C8orf34: variants seen among roughly 807,000 people sequenced by gnomAD.
The protein encoded by C8orf34 is uncharacterized protein C8orf34.
C8orf34 carries 65 observed loss-of-function variants against 68.3 expected under a neutral mutation model. That is an observed-to-expected ratio of 0.95 (90% CI 0.78 to 1.17). The LOEUF (loss-of-function observed/expected upper bound fraction) is 1.17, where lower values mean the gene tolerates loss of function less well. C8orf34 is among the 50% of genes most tolerant of loss of function. The probability of loss-of-function intolerance (pLI) is 0.00; values close to 1 mark genes in which losing one functional copy is unlikely to be tolerated. For missense variants in C8orf34, 664 were observed against 655.4 expected, an observed-to-expected ratio of 1.01 and a Z score of -0.14; for synonymous variants, 244 against 241.2, an observed-to-expected ratio of 1.01 and a Z score of -0.11.
intron 4 of C8orf34, among the ~76,000 whole-genome samples, chr8:68,480,948 G>A (rs939976663): frequency 2.6e-5 from 4 of 152,234 alleles, no homozygotes; most frequent in African/African-American, 7.2e-5. Context: ...CAAGCTGGCT[G>A]TAGAAATTTG....
chr8:68,634,410 T>C (rs948624013), intron 7 of C8orf34, among the ~76,000 whole-genome samples: 2 of 152,250 alleles, frequency 1.3e-5, no homozygotes, highest in Admixed American at 6.5e-5. Context: ...CTAGGATATG[T>C]TCCTGGTATT....
chr8:68,775,496 A>G (rs1318073072), intron 10 of C8orf34, among the ~76,000 whole-genome samples: 1 of 108,130 alleles, frequency 9.2e-6, no homozygotes, highest in Non-Finnish European at 1.8e-5. Flanking sequence ...CAACAATTTG[A>G]ATCTGTGATT....
At chr8:68,461,348 C>A (rs1027659680) in intron 3 of C8orf34, among the ~76,000 whole-genome samples, 29 of 152,300 alleles carry the variant, frequency 1.9e-4, no homozygotes, top group African/African-American at 6.0e-4. Context: ...GAGAATGGAA[C>A]CAGGTTGGAA....
intron 3 of C8orf34, among the ~76,000 whole-genome samples, chr8:68,468,419 C>A (rs1218887345): frequency 6.6e-6 from 1 of 151,994 alleles, no homozygotes; most frequent in African/African-American, 2.4e-5. Flanking sequence ...GTGTTTCTCC[C>A]TGTGTTATAG....
chr8:68,705,676 T>G (rs75601159), intron 8 of C8orf34, among the ~76,000 whole-genome samples: 1 of 151,734 alleles, frequency 6.6e-6, no homozygotes, highest in South Asian at 2.1e-4. Context: ...AGATTGAACA[T>G]GAAAAGGAAA....
intron 10 of C8orf34, among the ~76,000 whole-genome samples, chr8:68,766,151 T>G (rs999803996): frequency 3.9e-5 from 6 of 152,210 alleles, no homozygotes; most frequent in African/African-American, 1.4e-4. Flanking sequence ...TCAATCACTT[T>G]TTTAAGTTAA....
chr8:68,794,482 A>AT (rs1824110275), intron 12 of C8orf34, among the ~76,000 whole-genome samples: 1 of 89,344 alleles, frequency 1.1e-5, no homozygotes, highest in African/African-American at 7.7e-5. Flanking sequence ...TATAAATATA[A>AT]ATATATATAT....
At chr8:68,802,025 C>T (rs1372564360) in intron 12 of C8orf34, among the ~76,000 whole-genome samples, 1 of 152,132 alleles carries the variant, frequency 6.6e-6, no homozygotes, top group Non-Finnish European at 1.5e-5. Context: ...CTATATACAG[C>T]TTTATAAAGT....
intron 7 of C8orf34, among the ~76,000 whole-genome samples, chr8:68,568,851 A>C (rs1282601930): frequency 1.3e-5 from 2 of 152,240 alleles, no homozygotes; most frequent in Non-Finnish European, 2.9e-5. Context: ...CCAGATAATA[A>C]ATATTTTAGA....
intron 5 of C8orf34, among the ~76,000 whole-genome samples, chr8:68,521,020 C>T (rs2129668715): frequency 6.6e-6 from 1 of 152,264 alleles, no homozygotes; most frequent in East Asian, 1.9e-4. Context: ...CTCAGCATAT[C>T]AAGCAGTTCT....
At chr8:68,568,935 A>T (rs1816683535) in intron 7 of C8orf34, among the ~76,000 whole-genome samples, 1 of 152,222 alleles carries the variant, frequency 6.6e-6, no homozygotes, top group Non-Finnish European at 1.5e-5. Context: ...CACAGATAAT[A>T]AGGAAACAAG....
chr8:68,619,938 A>G (rs7840047), intron 7 of C8orf34, among the ~76,000 whole-genome samples: 44,874 of 152,110 alleles, frequency 0.3, 8,430 homozygotes, highest in African/African-American at 0.55. Flanking sequence ...ACTCCTCAGA[A>G]TAGAAAACCT....
At chr8:68,369,127 T>C (rs1175551392) in intron 1 of C8orf34, among the ~76,000 whole-genome samples, 1 of 152,228 alleles carries the variant, frequency 6.6e-6, no homozygotes, top group Non-Finnish European at 1.5e-5. Context: ...AAGTAATAAA[T>C]ATTTTTATCC....
At chr8:68,360,265 G>T (rs955151620) in intron 1 of C8orf34, among the ~76,000 whole-genome samples, 1 of 151,942 alleles carries the variant, frequency 6.6e-6, no homozygotes, top group Non-Finnish European at 1.5e-5. Flanking sequence ...CCCATGAAAT[G>T]GTCCCAACCC....
At chr8:68,471,400 C>A (rs1812371924) in intron 4 of C8orf34, among the ~76,000 whole-genome samples, 1 of 152,126 alleles carries the variant, frequency 6.6e-6, no homozygotes, top group Admixed American at 6.6e-5. Flanking sequence ...TATCAACATG[C>A]CTGCCCTGGT....
chr8:68,508,460 A>C (rs960401654), intron 5 of C8orf34, among the ~76,000 whole-genome samples: 3 of 152,326 alleles, frequency 2.0e-5, no homozygotes, highest in Admixed American at 6.5e-5. Flanking sequence ...TACTTCTAGG[A>C]TAAATTTCTA....
At chr8:68,657,797 C>T (rs1316142292) in intron 8 of C8orf34, among the ~76,000 whole-genome samples, 2 of 152,200 alleles carry the variant, frequency 1.3e-5, no homozygotes, top group African/African-American at 2.4e-5. Flanking sequence ...ATTCCTGCCT[C>T]ATTGCCTGCC....
chr8:68,348,631 G>A (rs768016962), intron 1 of C8orf34, among the ~76,000 whole-genome samples: 21 of 151,830 alleles, frequency 1.4e-4, no homozygotes, highest in Non-Finnish European at 2.5e-4. Context: ...TGTCTTCTCT[G>A]ATTTCTTTGA....
chr8:68,570,191 A>G (rs1469169935), intron 7 of C8orf34, among the ~76,000 whole-genome samples: 12 of 152,346 alleles, frequency 7.9e-5, no homozygotes, highest in African/African-American at 2.6e-4. Flanking sequence ...GCCAGTGCAT[A>G]TAGATCTGAA....
Sources: gnomAD v4.1 joint callset for allele counts (sites outside exome capture counted in the v4.1 genomes callset) on GRCh38, gnomAD v4.1.1 for gene constraint, MANE v1.5 for transcripts, NCBI Gene and HGNC (gene_info 2026-07-23, HGNC 2026-07-21) for gene names.